The following ILRUN variants were observed in gnomAD, a reference collection of about 807,000 sequenced individuals.
ILRUN encodes the protein inflammation and lipid regulator with UBA-like and NBR1-like domains, also known as protein ILRUN.
Under a neutral mutation model 33.8 loss-of-function variants are expected in ILRUN, and 3 were observed. The observed-to-expected ratio is 0.09, with a 90% CI of 0.04 to 0.23. The LOEUF is 0.23. ILRUN is among the 10% of genes least tolerant of loss of function. The pLI, the probability that ILRUN is intolerant of heterozygous loss-of-function variation, is 1.00. For missense variants in ILRUN, 210 were observed against 375.1 expected (o/e 0.56, Z 3.64); for synonymous variants, 124 against 138.9 (o/e 0.89, Z 0.75).
rs145801978 is a variant in ILRUN, at chr6:34,635,358, C to T, written c.511+11243G>A. 9.9e-4 allele frequency among the ~76,000 whole-genome samples: 151 copies of T among 152,062 alleles called. 1 individual carries two copies. The highest frequency in any genetic ancestry group is 3.5e-3 in the African/African-American group (145 of 41,462). On this transcript the variant is annotated intron_variant, in intron 3 of 4. Transcript: ENST00000374023. ...CACCCTGGGCAACATAGCAAAACCC[C>T]GTCTCTAATCAAAATGCACATTAGC... is the stretch of plus-strand genomic sequence containing the variant.
intron 3 of ILRUN, among the ~76,000 whole-genome samples, chr6:34,619,480 T>C (rs1022540872): frequency 3.9e-5 from 6 of 152,032 alleles, no homozygotes; most frequent in Non-Finnish European, 5.9e-5. Context: ...CTCAACCTCT[T>C]GAGTAGCTGG....
At chr6:34,690,461 A>T (rs1239088157) in intron 1 of ILRUN, among the ~76,000 whole-genome samples, 1 of 151,442 alleles carries the variant, frequency 6.6e-6, no homozygotes, top group Non-Finnish European at 1.5e-5. Context: ...ACTATGTCTC[A>T]AAAAAAAATT....
chr6:34,686,415 G>A (rs931303282), intron 1 of ILRUN, among the ~76,000 whole-genome samples: 3 of 143,670 alleles, frequency 2.1e-5, no homozygotes, highest in African/African-American at 8.2e-5. Context: ...CAGGAGAATG[G>A]CGTGAACCCA....
At position 34,590,446 on chromosome 6, in the gene ILRUN, A is replaced by G. The variant is rs939100288; in HGVS notation, c.*119T>C. The G allele has an allele frequency of 2.8e-6, 4 of 1,429,688 alleles. No homozygotes were observed. The highest frequency in any genetic ancestry group is 1.4e-5 in the African/African-American group (1 of 70,740). 88.6% of individuals were successfully genotyped at this position (1,429,688 alleles called of 1,614,324 possible). On this transcript the variant is annotated 3_prime_UTR_variant, in exon 5 of 5. Transcript: ENST00000374023. ...CTTCTTCCTCTTCTTCCGGGATGAG[A>G]GGGGGTCAGAGCCAGGGGTCTGTGC...
chr6:34,616,889 A>C, intron 3 of ILRUN: 1 of 649,560 alleles, frequency 1.5e-6, no homozygotes. Context: ...TGTGAAGCTC[A>C]ACAAGGCTTC....
At chr6:34,664,019 G>A (rs1253628875) in intron 1 of ILRUN, among the ~76,000 whole-genome samples, 1 of 152,144 alleles carries the variant, frequency 6.6e-6, no homozygotes, top group Admixed American at 6.5e-5. Context: ...GGAGAAACAG[G>A]GCCGTGAGCT....
chr6:34,642,039 T>G (rs1762484647), intron 3 of ILRUN, among the ~76,000 whole-genome samples: 1 of 152,184 alleles, frequency 6.6e-6, no homozygotes, highest in Non-Finnish European at 1.5e-5. Context: ...CACTATGAAT[T>G]TTGCTAAAAC....
At chr6:34,654,978 T>C (rs189519397) in intron 1 of ILRUN, among the ~76,000 whole-genome samples, 199 bp from the exon 2 acceptor site, 3 of 152,252 alleles carry the variant, frequency 2.0e-5, no homozygotes, top group Admixed American at 2.0e-4. Flanking sequence ...TATCACTTTC[T>C]TCCCACACAG....
In ILRUN at chr6:34,682,251, G is replaced by GTTT. The variant is rs66948142; in HGVS notation, c.158+14192_158+14194dup. On this transcript the variant is annotated intron_variant, in intron 1 of 4. Coordinates refer to ENST00000374023, the MANE Select transcript of ILRUN (RefSeq NM_024294.4). ...GCAATCTCAGCTCCCTGCAACCTCT[G>GTTT]TTTTTTTTTTTTTTTTTTTTTTTTT... 2.0e-3 allele frequency among the ~76,000 whole-genome samples: 101 copies of GTTT among 51,016 alleles called. 9 individuals are homozygous for GTTT. The highest frequency in any genetic ancestry group is 6.2e-3 in the African/African-American group (65 of 10,566). The allele number at this position is 51,016 out of a possible 152,430, so 33.5% of individuals were successfully genotyped here.
intron 3 of ILRUN, among the ~76,000 whole-genome samples, chr6:34,609,860 A>C (rs1203827438): frequency 6.6e-6 from 1 of 152,160 alleles, no homozygotes; most frequent in Non-Finnish European, 1.5e-5. Context: ...AGATACACTT[A>C]TCATCAAAGA....
Position 34,610,232 on chromosome 6 carries a change from A to G in ILRUN, c.512-3328T>C, listed in dbSNP as rs191939320. 2.6e-5 allele frequency among the ~76,000 whole-genome samples: 4 copies of G among 152,342 alleles called. No individual in the cohort carries two copies. The East Asian group carries it at 7.7e-4, about 29-fold the overall frequency. On this transcript the variant is annotated intron_variant, in intron 3 of 4. Transcript: ENST00000374023. Reference sequence around the variant, plus strand: ...AATCCCCATGTAAACTAGCAACATAAAAGTTAAACCTCTTGACTTAACACC... The same window carrying G: ...AATCCCCATGTAAACTAGCAACATAGAAGTTAAACCTCTTGACTTAACACC...
At chr6:34,671,609 T>C (rs1763119457) in intron 1 of ILRUN, among the ~76,000 whole-genome samples, 1 of 152,206 alleles carries the variant, frequency 6.6e-6, no homozygotes, top group Non-Finnish European at 1.5e-5. Context: ...ATCCTAAGAA[T>C]GAAAGGCAGA....
At chr6:34,628,183 G>A (rs1280478790) in intron 3 of ILRUN, among the ~76,000 whole-genome samples, 2 of 151,058 alleles carry the variant, frequency 1.3e-5, no homozygotes, top group African/African-American at 2.4e-5. Context: ...ACTGTGCCCC[G>A]CTAATTTTTG....
At chr6:34,593,016 A>C (rs1761326775) in intron 4 of ILRUN, among the ~76,000 whole-genome samples, 1 of 151,928 alleles carries the variant, frequency 6.6e-6, no homozygotes, top group Non-Finnish European at 1.5e-5. Flanking sequence ...CTCCACGCGC[A>C]AATTTTTTTT....
chr6:34,619,598 T>C (rs1049261673), intron 3 of ILRUN, among the ~76,000 whole-genome samples: 2 of 152,160 alleles, frequency 1.3e-5, no homozygotes, highest in African/African-American at 4.8e-5. Flanking sequence ...GAAGTGATCC[T>C]CCTGCCTCAG....
chr6:34,661,570 G>A (rs935063723), intron 1 of ILRUN, among the ~76,000 whole-genome samples: 17 of 152,098 alleles, frequency 1.1e-4, no homozygotes, highest in African/African-American at 3.9e-4. Flanking sequence ...AGAGATAAAA[G>A]ACCACTGCAA....
intron 3 of ILRUN, among the ~76,000 whole-genome samples, chr6:34,629,932 C>T (rs1195824604): frequency 2.6e-5 from 4 of 152,114 alleles, no homozygotes; most frequent in African/African-American, 9.7e-5. Flanking sequence ...CTATGTTCTT[C>T]CCTATATATA....
intron 3 of ILRUN, among the ~76,000 whole-genome samples, chr6:34,624,087 C>CTCCG (rs754526700): frequency 6.6e-6 from 1 of 152,178 alleles, no homozygotes; most frequent in Non-Finnish European, 1.5e-5. Flanking sequence ...CCACCTTGGC[C>CTCCG]TCCCAAAGTG....
At chr6:34,684,013 G>C (rs2127387134) in intron 1 of ILRUN, among the ~76,000 whole-genome samples, 1 of 152,070 alleles carries the variant, frequency 6.6e-6, no homozygotes, top group Middle Eastern at 3.4e-3. Context: ...GGGGAGGGGA[G>C]GTTGCAGTGA....
Sources: allele counts gnomAD v4.1 joint callset (sites outside exome capture counted in the v4.1 genomes callset), GRCh38; gene constraint gnomAD v4.1.1; transcripts MANE v1.5; gene names NCBI Gene and HGNC (gene_info 2026-07-23, HGNC 2026-07-21).